The following ZNF717 variants were observed in gnomAD, a reference collection of about 807,000 sequenced individuals.
ZNF717 encodes zinc finger protein 717.
Under a neutral mutation model 13.8 loss-of-function variants are expected in ZNF717, and 9 were observed. The observed-to-expected ratio is 0.65, with a 90% CI of 0.39 to 1.14. ZNF717 has a LOEUF of 1.14. Ranked by LOEUF, ZNF717 falls within the 50% of genes most tolerant of loss-of-function variation. ZNF717 has a pLI of 0.01. For synonymous variants in ZNF717, 327 were observed against 364.1 expected, an observed-to-expected ratio of 0.90 and a Z score of 1.16; for missense variants, 1,040 against 1,080.7, an observed-to-expected ratio of 0.96 and a Z score of 0.53.
intron 2 of ZNF717, among the ~76,000 whole-genome samples, chr3:75,771,972 G>A (rs1018607023): frequency 6.6e-6 from 1 of 152,236 alleles, no homozygotes; most frequent in Admixed American, 6.5e-5. Context: ...GCAAGCTCAG[G>A]GCAGTGCTGA....
intron 2 of ZNF717, among the ~76,000 whole-genome samples, chr3:75,766,034 G>C (rs1318593781): frequency 6.6e-6 from 1 of 152,178 alleles, no homozygotes; most frequent in Non-Finnish European, 1.5e-5. Flanking sequence ...TTGGGCCTGG[G>C]AGGCAGAGGT....
chr3:75,741,804 T>A (rs1432929438), intron 2 of ZNF717, 68 bp from the exon 3 acceptor site: 2 of 1,528,858 alleles, frequency 1.3e-6, no homozygotes, highest in Non-Finnish European at 1.8e-6. Flanking sequence ...CTAAGCATCA[T>A]CCACGTCCTG....
intron 2 of ZNF717, among the ~76,000 whole-genome samples, chr3:75,780,412 AT>A (rs75154901): frequency 6.1e-5 from 8 of 130,154 alleles, no homozygotes; most frequent in Non-Finnish European, 8.7e-5. Context: ...AGGAGGAATT[AT>A]TTTTTTTCTG....
rs188494579 is a variant in ZNF717 at position 75,780,386 on chromosome 3, G to A, written c.57+2920C>T. ...ATTTTGGTCACACTCTCAACTAAGT[G>A]AGAACTTGACTAAAAAGGAGGAATT... On this transcript the variant is annotated intron_variant, in intron 2 of 4. Coordinates refer to ENST00000652011, the MANE Select transcript of ZNF717 (RefSeq NM_001290208.3). Among the ~76,000 whole-genome samples, 6 of 152,326 alleles carry A rather than the reference G, an allele frequency of 3.9e-5. 1 individual carries two copies. In the East Asian group the frequency reaches 9.6e-4, roughly 24 times the overall value.
intron 2 of ZNF717, among the ~76,000 whole-genome samples, chr3:75,778,617 A>G (rs1188753768): frequency 6.6e-6 from 1 of 150,840 alleles, no homozygotes; most frequent in African/African-American, 2.4e-5. Flanking sequence ...ACCAAAAACA[A>G]TGGGAGTGAC....
At chr3:75,732,812 A>C (rs144774834), downstream of ZNF717, among the ~76,000 whole-genome samples, 1 of 150,670 alleles carries the variant, frequency 6.6e-6, no homozygotes. Context: ...TTTACCTGGT[A>C]TCTCATATCT....
intron 4 of ZNF717, among the ~76,000 whole-genome samples, chr3:75,720,671 C>T (rs1313659927): frequency 7.2e-5 from 11 of 152,214 alleles, no homozygotes; most frequent in Admixed American, 7.2e-4. Context: ...TAGTCTAAAA[C>T]CTGTCAATAT....
intron 2 of ZNF717, among the ~76,000 whole-genome samples, chr3:75,753,230 C>T (rs74726543): frequency 1.1e-4 from 14 of 132,314 alleles, no homozygotes; most frequent in Admixed American, 1.5e-4. Context: ...ACATGGGATT[C>T]CAGAACACTG....
chr3:75,771,717 A>G (rs1161070379), intron 2 of ZNF717, among the ~76,000 whole-genome samples: 10 of 152,082 alleles, frequency 6.6e-5, no homozygotes, highest in African/African-American at 1.9e-4. Flanking sequence ...AACGGGTGGG[A>G]GCCCTGCCCC....
At chr3:75,725,141 C>G (rs946758757), downstream of ZNF717, among the ~76,000 whole-genome samples, 2 of 151,986 alleles carry the variant, frequency 1.3e-5, no homozygotes, top group East Asian at 3.9e-4. Flanking sequence ...CTGCACTCCT[C>G]GACTCAGTGA....
At chr3:75,732,230 T>A (rs1188193914), downstream of ZNF717, 1 of 668,550 alleles carries the variant, frequency 1.5e-6, no homozygotes, top group African/African-American at 1.8e-5. Context: ...CCTGCTCTCA[T>A]ATAACCAGAT....
Position 75,697,830 on chromosome 3 carries a change from C to T in ZNF717, n.1085+13357G>A, listed in dbSNP as rs1420796689. 1.1e-4 allele frequency among the ~76,000 whole-genome samples: 17 copies of T among 152,352 alleles called. No individual in the cohort carries two copies. In the East Asian group the frequency reaches 2.9e-3, roughly 26 times the overall value. Reference sequence around the variant, plus strand: ...AGAGTTTGTAGGATTCAGAAGAAGACAGAAAAATGAGAGAAAGTTGAGATT... The same window carrying T: ...AGAGTTTGTAGGATTCAGAAGAAGATAGAAAAATGAGAGAAAGTTGAGATT... On this transcript the variant is annotated intron_variant and non_coding_transcript_variant, in intron 6 of 6. Coordinates refer to the ZNF717 transcript ENST00000648506.
chr3:75,745,320 C>T (rs1230019036), intron 2 of ZNF717, among the ~76,000 whole-genome samples: 1 of 151,980 alleles, frequency 6.6e-6, no homozygotes, highest in African/African-American at 2.4e-5. Flanking sequence ...TTGAGACTCT[C>T]GCAGTAGTGT....
chr3:75,736,884 G>GA lies in ZNF717; in HGVS notation c.2738dup (p.Ter915LeufsTer20), dbSNP rs149076283. On this transcript the variant is annotated frameshift_variant, in exon 5 of 5. Coordinates refer to ENST00000652011, the MANE Select transcript of ZNF717 (RefSeq NM_001290208.3). LOFTEE classifies it high-confidence loss of function. ...AGAGGTGTAGGTTGTGTGTTCAAGG[G>GA]AAAAAAGAGTGATTTTGAGGGAACA... 30 of 1,546,668 alleles carry GA rather than the reference G, an allele frequency of 1.9e-5. No individual in the cohort carries two copies. Among genetic ancestry groups the GA allele is most frequent in the East Asian group, 2.4e-5 (1 of 40,876 alleles).
At chr3:75,705,590 G>A (rs1410314597), downstream of ZNF717, among the ~76,000 whole-genome samples, 7 of 152,302 alleles carry the variant, frequency 4.6e-5, no homozygotes, top group Non-Finnish European at 8.8e-5. Flanking sequence ...GGGTTATCTA[G>A]TGTTTGGTCA....
intron 5 of ZNF717, among the ~76,000 whole-genome samples, chr3:75,712,180 A>G (rs989588929): frequency 1.3e-5 from 2 of 152,246 alleles, no homozygotes; most frequent in African/African-American, 4.8e-5. Flanking sequence ...AGGCAAGAAA[A>G]AAGGGGAGCT....
In ZNF717 at chr3:75,715,805, A is replaced by G. The variant is rs1419954893; in HGVS notation, n.667+614T>C. ...TTAGAAAACTCTACATGTTAACTCTATAATTGCAGGTTTTTCAAATAATGA... is the reference window on the plus strand; with the variant it reads ...TTAGAAAACTCTACATGTTAACTCTGTAATTGCAGGTTTTTCAAATAATGA... On this transcript the variant is annotated intron_variant and non_coding_transcript_variant, in intron 5 of 5. Transcript: ENST00000491507. 2.0e-5 allele frequency among the ~76,000 whole-genome samples: 3 copies of G among 152,286 alleles called. No individual in the cohort carries two copies. The East Asian group carries it at 5.8e-4, about 29-fold the overall frequency.
intron 2 of ZNF717, 31 bp from the exon 3 acceptor site, chr3:75,741,767 C>T: frequency 2.6e-6 from 4 of 1,568,024 alleles, no homozygotes; most frequent in Non-Finnish European, 3.4e-6. Flanking sequence ...TGTAGGTCTC[C>T]AGCATCACGT....
intron 2 of ZNF717, among the ~76,000 whole-genome samples, chr3:75,751,175 T>C (rs3009037): frequency 0.84 from 127,446 of 151,722 alleles, 53,578 homozygotes; most frequent in East Asian, 0.89. Flanking sequence ...AATGTTTATT[T>C]CTCACAAAGG....
Sources: allele counts gnomAD v4.1 joint callset (sites outside exome capture counted in the v4.1 genomes callset), GRCh38; gene constraint gnomAD v4.1.1; transcripts MANE v1.5; gene names NCBI Gene and HGNC (gene_info 2026-07-23, HGNC 2026-07-21).